TTC28: variants seen among roughly 807,000 people sequenced by gnomAD.
The protein encoded by TTC28 is tetratricopeptide repeat domain 28.
A neutral mutation model predicts 198.0 loss-of-function variants in TTC28; 61 were observed. The observed-to-expected ratio is 0.31, with a 90% CI of 0.25 to 0.38. TTC28 has a LOEUF of 0.38. Ranked by LOEUF, TTC28 falls within the 10% of genes least tolerant of loss-of-function variation. TTC28 has a pLI of 1.00. For synonymous variants in TTC28, 1,171 were observed against 1,297.8 expected (o/e 0.90, Z 2.10); for missense variants, 2,678 against 3,164.0 (o/e 0.85, Z 3.69).
chr22:28,577,275 A>G (rs780884679), intron 2 of TTC28, among the ~76,000 whole-genome samples: 35 of 152,122 alleles, frequency 2.3e-4, no homozygotes, highest in Non-Finnish European at 4.1e-4. Flanking sequence ...GTATTTCTAC[A>G]GTTTCCAAAA....
Position 27,982,178 on chromosome 22 carries a change from C to T in TTC28, c.*43G>A. 1 of 1,452,646 alleles carries T rather than the reference C, an allele frequency of 6.9e-7. No homozygotes were observed. The highest frequency in any genetic ancestry group is 9.1e-7 in the Non-Finnish European group (1 of 1,101,054). 90.0% of individuals were successfully genotyped at this position (1,452,646 alleles called of 1,614,324 possible). ...GAAGGGCTGAAGCAAACGCCAGGCC[C>T]CCATCTGCAGGCTGCTCAGAGTCAG... On this transcript the variant is annotated 3_prime_UTR_variant, in exon 23 of 23. Coordinates refer to ENST00000397906, the MANE Select transcript of TTC28 (RefSeq NM_001145418.2). The surrounding 1 kb of genome is among the most constrained non-coding windows in gnomAD (Gnocchi z 5.2).
chr22:28,003,095 G>A (rs1333027193), intron 14 of TTC28, among the ~76,000 whole-genome samples: 2 of 152,136 alleles, frequency 1.3e-5, no homozygotes, highest in East Asian at 1.9e-4. Flanking sequence ...CAGTGACCCC[G>A]ACACTGTCTA....
chr22:28,211,991 T>C (rs1203336610), intron 5 of TTC28, among the ~76,000 whole-genome samples: 2 of 152,132 alleles, frequency 1.3e-5, no homozygotes, highest in African/African-American at 4.8e-5. Flanking sequence ...ACCGCTCAAC[T>C]ATATGGAAAC....
rs143464298 is a variant in TTC28 at position 28,118,126 on chromosome 22, C to T, written c.1442-9723G>A. On this transcript the variant is annotated intron_variant, in intron 6 of 22. Transcript: ENST00000397906. ...TAAAAAAAGAATTATGGGCCAGGAG[C>T]GGTGGCTCACACCTGTAATCCCAAC... Among the ~76,000 whole-genome samples, 515 of 152,202 alleles carry T rather than the reference C, an allele frequency of 3.4e-3. 3 individuals carry two copies. The highest frequency in any genetic ancestry group is 0.011 in the African/African-American group (476 of 41,524).
intron 5 of TTC28, among the ~76,000 whole-genome samples, chr22:28,241,172 G>A (rs116850448): frequency 0.045 from 6,781 of 152,226 alleles, 255 homozygotes; most frequent in Admixed American, 0.12. Flanking sequence ...AATACCATGC[G>A]TCTCTTGATA....
Position 28,028,857 on chromosome 22 carries a change from C to T in TTC28, c.4073+1369G>A, listed in dbSNP as rs557012872. On this transcript the variant is annotated intron_variant, in intron 13 of 22. Coordinates refer to ENST00000397906, the MANE Select transcript of TTC28 (RefSeq NM_001145418.2). The stretch of plus-strand genomic sequence containing the variant: ...CCTTTATTCCCACATTACAGGAACC[C>T]TGCAGGGTAAGAAGCCATCCCCATT... The T allele has an allele frequency of 2.8e-4, 109 of 385,432 alleles. 2 individuals carry two copies. The highest frequency in any genetic ancestry group is 5.5e-4 in the Non-Finnish European group (104 of 189,508). The allele number at this position is 385,432 out of a possible 1,614,324, so 23.9% of individuals were successfully genotyped here.
At chr22:28,568,944 C>T (rs554297292) in intron 2 of TTC28, among the ~76,000 whole-genome samples, 1 of 151,916 alleles carries the variant, frequency 6.6e-6, no homozygotes, top group Non-Finnish European at 1.5e-5. Context: ...GTCAGGAGTT[C>T]GACACCAGCC....
intron 2 of TTC28, among the ~76,000 whole-genome samples, chr22:28,329,623 C>T (rs1193040384): frequency 6.6e-6 from 1 of 152,156 alleles, no homozygotes; most frequent in East Asian, 1.9e-4. Flanking sequence ...TTTACAGACA[C>T]TTTAATGCTG....
intron 2 of TTC28, among the ~76,000 whole-genome samples, chr22:28,314,906 C>T (rs961444424): frequency 1.3e-5 from 2 of 152,070 alleles, no homozygotes; most frequent in Admixed American, 1.3e-4. Flanking sequence ...CAAGTTTGTA[C>T]AGATTGGCTG....
chr22:28,098,395 G>T (rs1471782316), intron 10 of TTC28, among the ~76,000 whole-genome samples: 1 of 152,054 alleles, frequency 6.6e-6, no homozygotes, highest in Non-Finnish European at 1.5e-5. Context: ...ACTTTCTCTG[G>T]CTCCCGGACC....
intron 2 of TTC28, among the ~76,000 whole-genome samples, chr22:28,599,150 T>A (rs2050595552): frequency 6.6e-6 from 1 of 152,212 alleles, no homozygotes; most frequent in African/African-American, 2.4e-5. Flanking sequence ...GAAGGCCATA[T>A]AAAATCCTTT....
At chr22:28,547,215 AGT>A (rs113464807) in intron 2 of TTC28, among the ~76,000 whole-genome samples, 5,606 of 149,504 alleles carry the variant, frequency 0.037, 170 homozygotes, top group African/African-American at 0.075. Flanking sequence ...TGTGTGTGTG[AGT>A]GTGTGTGTGT....
At chr22:28,359,658 C>G (rs577374565) in intron 2 of TTC28, among the ~76,000 whole-genome samples, 1 of 152,180 alleles carries the variant, frequency 6.6e-6, no homozygotes, top group South Asian at 2.1e-4. Flanking sequence ...GAAACATAAC[C>G]TGATTCATGG....
intron 12 of TTC28, among the ~76,000 whole-genome samples, chr22:28,054,628 A>G (rs761018034): frequency 5.3e-5 from 8 of 152,124 alleles, no homozygotes; most frequent in Admixed American, 2.0e-4. Context: ...CCTGATACAC[A>G]GCCAACGCCC....
chr22:28,669,887 A>G (rs952390625), intron 1 of TTC28, among the ~76,000 whole-genome samples: 1 of 152,186 alleles, frequency 6.6e-6, no homozygotes, highest in African/African-American at 2.4e-5. Context: ...TTATTATTAA[A>G]CTGATGAGAA....
At chr22:28,210,420 T>C (rs1003347438) in intron 5 of TTC28, among the ~76,000 whole-genome samples, 2 of 152,102 alleles carry the variant, frequency 1.3e-5, no homozygotes, top group Non-Finnish European at 2.9e-5. Context: ...CTAACTAGAA[T>C]AAACAGTGTA....
At chr22:28,145,027 A>AC (rs1943431788) in intron 6 of TTC28, among the ~76,000 whole-genome samples, 1 of 152,234 alleles carries the variant, frequency 6.6e-6, no homozygotes, top group Non-Finnish European at 1.5e-5. Context: ...AGGTCACCTC[A>AC]CTTTGAAGCC....
intron 5 of TTC28, among the ~76,000 whole-genome samples, chr22:28,165,292 G>A (rs1447618813): frequency 6.6e-6 from 1 of 152,144 alleles, no homozygotes; most frequent in Non-Finnish European, 1.5e-5. Context: ...AATCTAGCAA[G>A]GCAGGCCAAC....
intron 2 of TTC28, among the ~76,000 whole-genome samples, chr22:28,333,398 A>G (rs1317231545): frequency 1.9e-4 from 29 of 152,178 alleles, no homozygotes; most frequent in Admixed American, 1.9e-3. Flanking sequence ...ACTTGAAATC[A>G]TAATAGTCTG....
Sources: gnomAD v4.1 joint callset for allele counts (sites outside exome capture counted in the v4.1 genomes callset) on GRCh38, gnomAD v4.1.1 for gene constraint, Gnocchi (gnomAD v3.1) non-coding constraint, MANE v1.5 for transcripts, NCBI Gene and HGNC (gene_info 2026-07-23, HGNC 2026-07-21) for gene names.